CERS6: variants seen among roughly 807,000 people sequenced by gnomAD.
CERS6 encodes ceramide synthase 6, also known as LAG1 homolog, ceramide synthase 6.
A neutral mutation model predicts 56.8 loss-of-function variants in CERS6; 26 were observed. The ratio of observed to expected loss-of-function variants is 0.46; its 90% CI spans 0.34 to 0.63. The LOEUF is 0.63. CERS6 is among the 30% of genes least tolerant of loss of function. The pLI, the probability that CERS6 is intolerant of heterozygous loss-of-function variation, is 0.01. For synonymous variants in CERS6, 164 were observed against 173.3 expected, an observed-to-expected ratio of 0.95 and a Z score of 0.42; for missense variants, 415 against 467.5, an observed-to-expected ratio of 0.89 and a Z score of 1.04.
chr2:168,644,443 T>A (rs1685124719), intron 4 of CERS6: 6 of 680,386 alleles, frequency 8.8e-6, no homozygotes, highest in Non-Finnish European at 1.1e-5. Context: ...ATTCAACTTC[T>A]GTTTAGTAGG....
chr2:168,456,366 C>T lies in CERS6; in HGVS notation c.-83C>T. On this transcript the variant is annotated 5_prime_UTR_variant, in exon 1 of 10. Coordinates refer to ENST00000305747, the MANE Select transcript of CERS6 (RefSeq NM_203463.3). The surrounding 1 kb of genome is among the most constrained non-coding windows in gnomAD (Gnocchi z 4.1). ...GGCGGCGGCACAGGCTCGGGGCCAG[C>T]CGGGCGCGCATCCCCGGGCGCCCTG... is the stretch of plus-strand genomic sequence containing the variant. The T allele has an allele frequency of 7.0e-6, 8 of 1,145,354 alleles. No individual in the cohort carries two copies. The East Asian group carries it at 9.9e-5, about 14-fold the overall frequency. 70.9% of individuals were successfully genotyped at this position (1,145,354 alleles called of 1,614,324 possible). A position where few individuals can be genotyped will look rare whatever the true frequency, so the allele number is the denominator to read the frequency against.
chr2:168,572,742 G>T (rs920057789), intron 3 of CERS6, among the ~76,000 whole-genome samples: 1 of 151,966 alleles, frequency 6.6e-6, no homozygotes, highest in Non-Finnish European at 1.5e-5. Flanking sequence ...TTCTCTACTA[G>T]AGCACTTGGA....
intron 3 of CERS6, among the ~76,000 whole-genome samples, chr2:168,602,372 A>G (rs1005674609): frequency 1.3e-5 from 2 of 152,240 alleles, no homozygotes; most frequent in Non-Finnish European, 2.9e-5. Context: ...TACTTTTGCT[A>G]AATGTATAAG....
intron 3 of CERS6, among the ~76,000 whole-genome samples, chr2:168,579,016 T>TTAA (rs1683344719): frequency 6.6e-6 from 1 of 152,130 alleles, no homozygotes; most frequent in South Asian, 2.1e-4. Context: ...TAATAAAGGT[T>TTAA]TAATCTGAAC....
intron 6 of CERS6, among the ~76,000 whole-genome samples, chr2:168,698,236 G>GAAAAAA (rs1214508784): frequency 1.4e-4 from 18 of 124,930 alleles, no homozygotes; most frequent in African/African-American, 5.4e-4. Context: ...TGTCTCACAG[G>GAAAAAA]AAAAAAAAAA....
At chr2:168,462,319 T>G (rs1347836227) in intron 1 of CERS6, among the ~76,000 whole-genome samples, 1 of 151,924 alleles carries the variant, frequency 6.6e-6, no homozygotes, top group Admixed American at 6.6e-5. Flanking sequence ...TTTCATTTCG[T>G]TTTTTTTAAA....
intron 3 of CERS6, among the ~76,000 whole-genome samples, chr2:168,568,546 A>G (rs1695923928): frequency 6.6e-6 from 1 of 150,412 alleles, no homozygotes; most frequent in African/African-American, 2.4e-5. Flanking sequence ...ATCCAGAAAT[A>G]CATCCTTTAT....
At chr2:168,568,284 G>A (rs966310681) in intron 3 of CERS6, among the ~76,000 whole-genome samples, 1 of 152,108 alleles carries the variant, frequency 6.6e-6, no homozygotes, top group East Asian at 1.9e-4. Context: ...GGAATTGGAT[G>A]GTAATAAAGA....
rs942198529 is a variant in CERS6 at position 168,771,673 on chromosome 2, T to C, written c.*2011T>C. On this transcript the variant is annotated 3_prime_UTR_variant, in exon 10 of 10. Transcript: ENST00000305747. ...AAATATGAACATATTTAGCTTGCTT[T>C]AGTGTCTGGGGCAAGTCCTCTCAAT... The C allele has an allele frequency of 1.3e-5, 2 of 152,250 alleles. No individual in the cohort carries two copies. The highest frequency in any genetic ancestry group is 4.8e-5 in the African/African-American group (2 of 41,472). The allele number at this position is 152,250 out of a possible 1,614,324, so 9.4% of individuals were successfully genotyped here.
At chr2:168,762,273 T>C (rs1181189930) in intron 8 of CERS6, among the ~76,000 whole-genome samples, 1 of 152,230 alleles carries the variant, frequency 6.6e-6, no homozygotes, top group Non-Finnish European at 1.5e-5. Context: ...TTTTGGTTGT[T>C]TGCTGTTTTT....
intron 3 of CERS6, among the ~76,000 whole-genome samples, chr2:168,629,943 A>G (rs1684673932): frequency 6.6e-6 from 1 of 151,714 alleles, no homozygotes; most frequent in African/African-American, 2.4e-5. Context: ...AACCTCCTCA[A>G]GTAGGTGGGA....
intron 4 of CERS6, 110 bp downstream of exon 4, chr2:168,631,152 C>A: frequency 1.9e-6 from 1 of 532,234 alleles, no homozygotes. Flanking sequence ...TCATATCAGG[C>A]TTCCTAAGAA....
chr2:168,727,766 C>T (rs1683391031), intron 8 of CERS6, among the ~76,000 whole-genome samples: 1 of 152,164 alleles, frequency 6.6e-6, no homozygotes, highest in African/African-American at 2.4e-5. Context: ...AGAAACCTGA[C>T]TTTTCATGCA....
chr2:168,551,277 C>T (rs1305522095), intron 2 of CERS6, among the ~76,000 whole-genome samples: 1 of 152,166 alleles, frequency 6.6e-6, no homozygotes, highest in African/African-American at 2.4e-5. Context: ...TAACACCTGT[C>T]TTCCTGTTGC....
At chr2:168,615,164 G>T (rs534221887) in intron 3 of CERS6, among the ~76,000 whole-genome samples, 1 of 152,264 alleles carries the variant, frequency 6.6e-6, no homozygotes, top group Non-Finnish European at 1.5e-5. Context: ...CCTAGGAAAA[G>T]AGGGAGAGTA....
rs956436105 is a variant in CERS6, at chr2:168,500,939, A to G, written c.170+44321A>G. Among the ~76,000 whole-genome samples the G allele has an allele frequency of 5.9e-5, 9 of 152,370 alleles. No homozygotes were observed. In the East Asian group the frequency reaches 1.7e-3, roughly 29 times the overall value. On this transcript the variant is annotated intron_variant, in intron 1 of 9. Transcript: ENST00000305747. The stretch of plus-strand genomic sequence containing the variant: ...GGCCTAGCATATATAGAATTCCTTT[A>G]TAACAATTAAAGCGACTATAAAGTA...
At chr2:168,670,872 G>C (rs1253249395) in intron 4 of CERS6, among the ~76,000 whole-genome samples, 1 of 149,594 alleles carries the variant, frequency 6.7e-6, no homozygotes. Flanking sequence ...AGTTCTGTGA[G>C]AGCAATGATT....
chr2:168,626,993 C>T (rs1019265874), intron 3 of CERS6, among the ~76,000 whole-genome samples: 1 of 152,054 alleles, frequency 6.6e-6, no homozygotes, highest in African/African-American at 2.4e-5. Flanking sequence ...CCCTCTTTTG[C>T]CCGTTTAGTG....
chr2:168,734,607 A>G (rs1301890263), intron 8 of CERS6, among the ~76,000 whole-genome samples: 1 of 152,220 alleles, frequency 6.6e-6, no homozygotes, highest in Non-Finnish European at 1.5e-5. Context: ...GCCATCTATC[A>G]GTAGTCAACG....
Sources: allele counts gnomAD v4.1 joint callset (sites outside exome capture counted in the v4.1 genomes callset), GRCh38; gene constraint gnomAD v4.1.1; non-coding constraint Gnocchi (gnomAD v3.1); transcripts MANE v1.5; gene names NCBI Gene and HGNC (gene_info 2026-07-23, HGNC 2026-07-21).